The following MAMLD1 variants were observed in gnomAD, a reference collection of about 807,000 sequenced individuals.
MAMLD1 encodes the protein mastermind-like domain-containing protein 1.
Under a neutral mutation model 45.0 loss-of-function variants are expected in MAMLD1, and 14 were observed. The ratio of observed to expected loss-of-function variants is 0.31; its 90% CI spans 0.21 to 0.49. The LOEUF is 0.49. Among genes scored for constraint, MAMLD1 ranks in the 20% least tolerant of loss-of-function variants. MAMLD1 has a pLI of 0.99. For missense variants in MAMLD1, 543 were observed against 603.6 expected (o/e 0.90, Z 1.05); for synonymous variants, 254 against 247.8 (o/e 1.02, Z -0.24).
intron 1 of MAMLD1, among the ~76,000 whole-genome samples, chrX:150,389,203 CG>C (rs1463456509): frequency 9.0e-6 from 1 of 110,963 alleles, no homozygotes; most frequent in Admixed American, 9.6e-5. Context: ...CACACTGCCA[CG>C]CCTGACTAAT....
At chrX:150,451,440 C>T (rs1046782422) in intron 2 of MAMLD1, among the ~76,000 whole-genome samples, 2 of 111,120 alleles carry the variant, frequency 1.8e-5, no homozygotes, top group African/African-American at 6.5e-5. Flanking sequence ...TGGGGTTCCT[C>T]AAACTCTGGG....
At chrX:150,462,093 G>A (rs1252886341) in intron 2 of MAMLD1, among the ~76,000 whole-genome samples, 1 of 112,082 alleles carries the variant, frequency 8.9e-6, no homozygotes, top group Non-Finnish European at 1.9e-5. Flanking sequence ...CAATCCTGTG[G>A]AGGGCTTTGT....
intron 1 of MAMLD1, among the ~76,000 whole-genome samples, chrX:150,378,324 A>T (rs2032433231): frequency 8.9e-6 from 1 of 112,312 alleles, no homozygotes; most frequent in African/African-American, 3.2e-5. Flanking sequence ...AGTGTATCAT[A>T]TCAGGAGGTC....
intron 1 of MAMLD1, among the ~76,000 whole-genome samples, chrX:150,386,574 A>G (rs1557402049): frequency 8.9e-6 from 1 of 111,887 alleles, no homozygotes; most frequent in Admixed American, 9.5e-5. Flanking sequence ...CGATGGAACC[A>G]ATCCAGAAAA....
chrX:150,416,916 C>T (rs1265947609), intron 1 of MAMLD1, among the ~76,000 whole-genome samples: 1 of 112,127 alleles, frequency 8.9e-6, no homozygotes, highest in East Asian at 2.8e-4. Context: ...TATTCTAAAT[C>T]CATCTAAAGA....
Position 150,513,002 on chromosome X carries a change from C to G in MAMLD1, c.*1043C>G. 3 of 1,153,783 alleles carry G rather than the reference C, an allele frequency of 2.6e-6. No homozygotes were observed. The highest frequency in any genetic ancestry group is 3.4e-6 in the Non-Finnish European group (3 of 870,795). On this transcript the variant is annotated 3_prime_UTR_variant, in exon 8 of 8. Transcript: ENST00000370401. The stretch of plus-strand genomic sequence containing the variant: ...GAGGCTGATCGACGACATTTTGGAA[C>G]AGCATGCTGCTGCTCAAAATGCCAC...
rs1043117777 is a variant in MAMLD1, at chrX:150,371,640, T to C, written c.-64+8110T>C. On this transcript the variant is annotated intron_variant, in intron 1 of 7. Coordinates refer to ENST00000370401, the MANE Select transcript of MAMLD1 (RefSeq NM_005491.5). ...GAGGAATTCCAAGTTCTTGGTCCAA[T>C]TGTCCCAGCTCCACCCTCACCCCAC... Among the ~76,000 whole-genome samples the C allele has an allele frequency of 7.1e-5, 8 of 112,048 alleles. No individual in the cohort carries two copies. The South Asian group carries it at 3.0e-3, about 41-fold the overall frequency.
intron 5 of MAMLD1, among the ~76,000 whole-genome samples, chrX:150,478,496 T>C (rs1311940816): frequency 3.6e-5 from 4 of 112,345 alleles, no homozygotes; most frequent in Non-Finnish European, 7.5e-5. Context: ...AGAGCAATAC[T>C]GCTGTCTGTG....
At chrX:150,507,103 C>CA (rs1258487605) in intron 6 of MAMLD1, among the ~76,000 whole-genome samples, 1 of 111,902 alleles carries the variant, frequency 8.9e-6, no homozygotes, top group African/African-American at 3.3e-5. Context: ...TGTCACCTGG[C>CA]ACAACAGGAC....
chrX:150,502,158 A>G (rs1337400208), intron 5 of MAMLD1, among the ~76,000 whole-genome samples: 3 of 113,092 alleles, frequency 2.7e-5, no homozygotes, highest in African/African-American at 9.6e-5. Context: ...CAAAATATCT[A>G]CTGAACTATT....
rs1413703313 is a variant in MAMLD1, at chrX:150,470,937, C to T, written c.1364C>T (p.Ser455Phe). Residue 455 changes from serine (S) to phenylalanine (F), a missense_variant, in exon 4 of 8, where the codon TCC (serine) becomes TTC (phenylalanine). Transcript: ENST00000370401. ...CTGCCTGCCAGCAACCCTGGGCCGT[C>T]CCCACCCTATCGCCCAGAGAAGCTC... ...SALPASNPGP[S>F]PPYRPEKLSS... 1 of 1,210,017 alleles carries T rather than the reference C, an allele frequency of 8.3e-7. No individual in the cohort carries two copies. The highest frequency in any genetic ancestry group is 1.1e-6 in the Non-Finnish European group (1 of 895,279).
intron 1 of MAMLD1, among the ~76,000 whole-genome samples, chrX:150,434,889 T>C (rs1217157340): frequency 7.2e-5 from 8 of 111,411 alleles, no homozygotes; most frequent in Admixed American, 1.9e-4. Flanking sequence ...TATTATGTTG[T>C]TTTGGGGTGG....
At chrX:150,474,944 A>G (rs1569564921) in intron 5 of MAMLD1, among the ~76,000 whole-genome samples, 1 of 111,665 alleles carries the variant, frequency 9.0e-6, no homozygotes. Context: ...AGAGAAAAAA[A>G]TAAAGAAAAA....
intron 1 of MAMLD1, among the ~76,000 whole-genome samples, chrX:150,403,710 C>T (rs1337402831): frequency 2.8e-5 from 3 of 107,545 alleles, no homozygotes; most frequent in African/African-American, 1.0e-4. Flanking sequence ...GAGGCAGAGG[C>T]AGGAGGATCG....
At chrX:150,380,526 A>G (rs1356766318) in intron 1 of MAMLD1, among the ~76,000 whole-genome samples, 2 of 110,731 alleles carry the variant, frequency 1.8e-5, no homozygotes, top group Non-Finnish European at 3.8e-5. Flanking sequence ...AAATTTTTTT[A>G]TGTCGTCAAG....
In MAMLD1 at chrX:150,376,897, C is replaced by T. The variant is rs975350471; in HGVS notation, c.-64+13367C>T. ...TATGGAAAAAAAAAAAAAACAATCCCAAGCCACCCCACCCTTATTTTTGTA... is the reference window on the plus strand; with the variant it reads ...TATGGAAAAAAAAAAAAAACAATCCTAAGCCACCCCACCCTTATTTTTGTA... On this transcript the variant is annotated intron_variant, in intron 1 of 7. Coordinates refer to ENST00000370401, the MANE Select transcript of MAMLD1 (RefSeq NM_005491.5). Among the ~76,000 whole-genome samples, 4 of 109,087 alleles carry T rather than the reference C, an allele frequency of 3.7e-5. No individual in the cohort carries two copies. In the East Asian group the frequency reaches 1.1e-3, roughly 31 times the overall value. The allele number at this position is 109,087 out of a possible 115,157, so 94.7% of individuals were successfully genotyped here.
chrX:150,418,122 T>C (rs1343797012), intron 1 of MAMLD1, among the ~76,000 whole-genome samples: 1 of 111,852 alleles, frequency 8.9e-6, no homozygotes, highest in Non-Finnish European at 1.9e-5. Context: ...CAGCTCCTGT[T>C]ATTGGTCTAT....
intron 3 of MAMLD1, among the ~76,000 whole-genome samples, chrX:150,465,351 C>T (rs1557405836): frequency 1.8e-5 from 2 of 112,269 alleles, no homozygotes; most frequent in Non-Finnish European, 3.8e-5. Context: ...TGTCATTGTT[C>T]AGACAGAACC....
intron 4 of MAMLD1, among the ~76,000 whole-genome samples, chrX:150,473,096 A>G (rs782715317): frequency 3.8e-4 from 43 of 112,543 alleles, no homozygotes; most frequent in African/African-American, 1.4e-3. Context: ...TTCAGCATCC[A>G]TCAGGCCCTG....
Sources: gnomAD v4.1 joint callset for allele counts (sites outside exome capture counted in the v4.1 genomes callset) on GRCh38, gnomAD v4.1.1 for gene constraint, MANE v1.5 for transcripts, NCBI Gene and HGNC (gene_info 2026-07-23, HGNC 2026-07-21) for gene names.